SLC30A5: variants seen among roughly 807,000 people sequenced by gnomAD.
SLC30A5 encodes solute carrier family 30 member 5.
In SLC30A5, 33 loss-of-function variants were observed where a neutral mutation model predicts 79.6. That is an observed-to-expected ratio of 0.41 (90% CI 0.31 to 0.55). SLC30A5 has a LOEUF of 0.55. Among genes scored for constraint, SLC30A5 ranks in the 20% least tolerant of loss-of-function variants. The pLI is 0.20. For synonymous variants in SLC30A5, 299 were observed against 319.7 expected, an observed-to-expected ratio of 0.94 and a Z score of 0.69; for missense variants, 788 against 928.1, an observed-to-expected ratio of 0.85 and a Z score of 1.96.
At chr5:69,108,535 C>T in intron 5 of SLC30A5, 99 bp downstream of exon 5, 1 of 976,322 alleles carries the variant, frequency 1.0e-6, no homozygotes, top group Non-Finnish European at 1.6e-6. Flanking sequence ...TAAAAGAATG[C>T]AGGAGGCTGA....
At position 69,128,070 on chromosome 5, in the gene SLC30A5, G is replaced by A. The variant is rs144133932; in HGVS notation, c.2065G>A (p.Val689Met). 2 of 1,611,686 alleles carry A rather than the reference G, an allele frequency of 1.2e-6. No individual in the cohort carries two copies. The highest frequency in any genetic ancestry group is 2.7e-5 in the African/African-American group (2 of 74,760). Reference protein sequence around the residue: ...PHFWRHSASIVAGTIHIQVTS... With the variant: ...PHFWRHSASIMAGTIHIQVTS... The stretch of plus-strand genomic sequence containing the variant: ...TTTTTGGCGTCATTCTGCTAGTATT[G>A]TGGCAGGAACAATTCATATACAGGT... The change falls in exon 15 of 16, where the codon GTG becomes ATG. Residue 689 changes from valine to methionine, a missense_variant. By Grantham distance (21) the Val-to-Met change is conservative. Coordinates refer to ENST00000396591, the MANE Select transcript of SLC30A5 (RefSeq NM_022902.5).
intron 5 of SLC30A5, among the ~76,000 whole-genome samples, chr5:69,109,465 G>A (rs139310266): frequency 6.6e-6 from 1 of 151,882 alleles, no homozygotes; most frequent in African/African-American, 2.4e-5. Context: ...ATGCATGTAG[G>A]TCTATGAAAT....
chr5:69,094,333 C>T lies in SLC30A5; in HGVS notation c.78C>T (p.Ser26=), dbSNP rs1217780579. The change falls in exon 1 of 16, where the codon AGC becomes AGT. Residue 26 remains serine, a synonymous_variant. Transcript: ENST00000396591. ...GCCTTGGGCCGGTGGACGTACCCAG[C>T]GCTCGGTAAGGGACCGATCCGGAAG... ...GGGLGPVDVP[S]ARLTKYIVLL... 1.3e-5 allele frequency: 16 copies of T among 1,251,624 alleles called. No homozygotes were observed. The East Asian group carries it at 1.6e-4, about 12-fold the overall frequency. The allele number at this position is 1,251,624 out of a possible 1,614,324, so 77.5% of individuals were successfully genotyped here. A position where few individuals can be genotyped will look rare whatever the true frequency, so the allele number is the denominator to read the frequency against.
At chr5:69,097,227 T>C (rs1423515769) in intron 1 of SLC30A5, among the ~76,000 whole-genome samples, 1 of 146,214 alleles carries the variant, frequency 6.8e-6, no homozygotes, top group African/African-American at 2.5e-5. Context: ...ACCATTCTCC[T>C]GCCTCAGCCT....
chr5:69,120,669 G>C (rs1362986872), intron 12 of SLC30A5, among the ~76,000 whole-genome samples: 1 of 152,136 alleles, frequency 6.6e-6, no homozygotes, highest in Non-Finnish European at 1.5e-5. Context: ...CCATCTACCA[G>C]CTTATAAAGC....
chr5:69,128,687 T>C (rs187500125), intron 15 of SLC30A5, among the ~76,000 whole-genome samples: 253 of 152,296 alleles, frequency 1.7e-3, no homozygotes, highest in African/African-American at 5.1e-3. Context: ...TATAAAAAAA[T>C]TCATTTATGA....
intron 5 of SLC30A5, among the ~76,000 whole-genome samples, chr5:69,112,595 C>T (rs1056258360): frequency 1.3e-5 from 2 of 149,678 alleles, no homozygotes; most frequent in African/African-American, 4.9e-5. Context: ...TGGGCGACAG[C>T]GAGATCTGTC....
At chr5:69,100,595 A>AC (rs1018345639) in intron 1 of SLC30A5, among the ~76,000 whole-genome samples, 6 of 131,258 alleles carry the variant, frequency 4.6e-5, no homozygotes, top group South Asian at 2.6e-4. Flanking sequence ...ACACATTGAG[A>AC]CCCCGTCTCT....
chr5:69,126,890 C>T (rs960834823), intron 14 of SLC30A5, among the ~76,000 whole-genome samples: 3 of 150,204 alleles, frequency 2.0e-5, no homozygotes, highest in Non-Finnish European at 3.0e-5. Context: ...AAAAAAATCA[C>T]ATAATTTTAC....
At chr5:69,117,941 C>T (rs193270456) in intron 11 of SLC30A5, among the ~76,000 whole-genome samples, 1,756 of 149,672 alleles carry the variant, frequency 0.012, 24 homozygotes, top group African/African-American at 0.041. Flanking sequence ...TTTGGGAGGC[C>T]GAGGCGGGCG....
Position 69,100,118 on chromosome 5 carries a change from G to A in SLC30A5, c.84-689G>A, listed in dbSNP as rs561064036. ...CAGGTGGCTGGAATTACAGGCACCC[G>A]CCACCACGCCCAGCTAATTTTTGTA... On this transcript the variant is annotated intron_variant, in intron 1 of 15. Coordinates refer to ENST00000396591, the MANE Select transcript of SLC30A5 (RefSeq NM_022902.5). 5.3e-5 allele frequency among the ~76,000 whole-genome samples: 8 copies of A among 152,186 alleles called. No individual in the cohort carries two copies. In the East Asian group the frequency reaches 1.2e-3, roughly 22 times the overall value.
chr5:69,112,245 C>T (rs902602093), intron 5 of SLC30A5, among the ~76,000 whole-genome samples: 9 of 150,580 alleles, frequency 6.0e-5, no homozygotes, highest in Admixed American at 1.3e-4. Context: ...TGCAGTGAGC[C>T]GAGATCGTGC....
chr5:69,126,235 C>T (rs1422123584), intron 14 of SLC30A5, among the ~76,000 whole-genome samples: 1 of 152,120 alleles, frequency 6.6e-6, no homozygotes, highest in East Asian at 1.9e-4. Flanking sequence ...CCATTGTTTT[C>T]ATAAATAAAA....
Position 69,117,275 on chromosome 5 carries a change from A to C in SLC30A5, c.1318A>C (p.Thr440Pro). The change falls in exon 11 of 16, where the codon ACC becomes CCC. Residue 440 changes from threonine (T) to proline (P), a missense_variant. By Grantham distance (38) the Thr-to-Pro change is conservative. Coordinates refer to ENST00000396591, the MANE Select transcript of SLC30A5 (RefSeq NM_022902.5). ...TGTGGAATTATTCTATGGCGTGCTGACCAATAGTCTGGGCCTGATCTCGGA... is the reference window on the plus strand; with the variant it reads ...TGTGGAATTATTCTATGGCGTGCTGCCCAATAGTCTGGGCCTGATCTCGGA... Reference protein sequence around the residue: ...TFVELFYGVLTNSLGLISDGF... With the variant: ...TFVELFYGVLPNSLGLISDGF... 6.2e-7 allele frequency: 1 copy of C among 1,612,862 alleles called. No homozygotes were observed. Among genetic ancestry groups the C allele is most frequent in the Non-Finnish European group, 8.5e-7 (1 of 1,179,646 alleles).
intron 1 of SLC30A5, among the ~76,000 whole-genome samples, chr5:69,097,535 A>G (rs1011596448): frequency 6.6e-6 from 1 of 151,732 alleles, no homozygotes; most frequent in African/African-American, 2.4e-5. Flanking sequence ...TAAAATAATC[A>G]TGGCTCACTG....
At chr5:69,104,233 G>T in intron 3 of SLC30A5, 2 of 665,738 alleles carry the variant, frequency 3.0e-6, no homozygotes, top group East Asian at 5.1e-5. Flanking sequence ...TGCCTCCCGG[G>T]TTCAAGCGAT....
At chr5:69,107,704 T>G (rs1458138309) in intron 4 of SLC30A5, among the ~76,000 whole-genome samples, 2 of 151,964 alleles carry the variant, frequency 1.3e-5, no homozygotes, top group African/African-American at 2.4e-5. Flanking sequence ...AAAATAATGT[T>G]ATGCAGCACA....
rs60614154 is a variant in SLC30A5, at chr5:69,115,135, GAAAAAAAAAAAAAAAAAA to G, written c.613-89_613-72del. 6.6e-4 allele frequency: 358 copies of G among 538,716 alleles called. 2 individuals are homozygous for G. The highest frequency in any genetic ancestry group is 1.2e-3 in the Middle Eastern group (2 of 1,602). 33.4% of individuals were successfully genotyped at this position (538,716 alleles called of 1,614,324 possible). A position where few individuals can be genotyped will look rare whatever the true frequency, so the allele number is the denominator to read the frequency against. ...GGCAGAGCAAGACCCTGTCTCTGGG[GAAAAAAAAAAAAAAAAAA>G]AAAAAAAAAAAAGATCATGTATTTA... On this transcript the variant is annotated intron_variant, in intron 7 of 15. Coordinates refer to ENST00000396591, the MANE Select transcript of SLC30A5 (RefSeq NM_022902.5).
At chr5:69,125,610 C>T (rs1214198815) in intron 14 of SLC30A5, among the ~76,000 whole-genome samples, 3 of 151,460 alleles carry the variant, frequency 2.0e-5, no homozygotes, top group Admixed American at 6.6e-5. Context: ...CCAAGGCTGG[C>T]GGATCACAAG....
Sources: allele counts gnomAD v4.1 joint callset (sites outside exome capture counted in the v4.1 genomes callset), GRCh38; gene constraint gnomAD v4.1.1; transcripts MANE v1.5; gene names NCBI Gene and HGNC (gene_info 2026-07-23, HGNC 2026-07-21).